POFUT3: variants seen among roughly 807,000 people sequenced by gnomAD.
POFUT3 encodes the protein GDP-fucose protein O-fucosyltransferase 3.
chr8:33,440,388 A>G, the POFUT3 span, among the ~76,000 whole-genome samples: 1 of 152,110 alleles, frequency 6.6e-6, no homozygotes, highest in African/African-American at 2.4e-5. Flanking sequence ...AATTAATTAA[A>G]GTCAAAATGC....
the POFUT3 span, among the ~76,000 whole-genome samples, chr8:33,365,047 G>A: frequency 1.3e-5 from 2 of 152,116 alleles, no homozygotes; most frequent in African/African-American, 2.4e-5. Flanking sequence ...CATGGTACTG[G>A]TACCAAAACA....
the POFUT3 span, chr8:33,389,792 T>C: frequency 1.1e-5 from 17 of 1,607,962 alleles, 1 homozygote; most frequent in Non-Finnish European, 1.4e-5. Flanking sequence ...TATGTTAAAG[T>C]CAGTACCTAG....
the POFUT3 span, among the ~76,000 whole-genome samples, chr8:33,343,591 A>T: frequency 1.3e-5 from 2 of 152,244 alleles, no homozygotes; most frequent in Non-Finnish European, 2.9e-5. Context: ...AGTAAGAGAG[A>T]TCCAGACCCC....
the POFUT3 span, among the ~76,000 whole-genome samples, chr8:33,353,519 C>A: frequency 1.3e-5 from 2 of 152,174 alleles, no homozygotes; most frequent in Admixed American, 6.5e-5. Flanking sequence ...GATTCTTTCT[C>A]GTCTGCACAA....
At chr8:33,332,163 A>AGAGGAG in the POFUT3 span, among the ~76,000 whole-genome samples, 10 of 145,174 alleles carry the variant, frequency 6.9e-5, no homozygotes, top group East Asian at 1.1e-3. Context: ...AAGAAGAAGA[A>AGAGGAG]GAGGAGGAGG....
chr8:33,357,962 C>T, the POFUT3 span, among the ~76,000 whole-genome samples: 1 of 152,130 alleles, frequency 6.6e-6, no homozygotes, highest in Non-Finnish European at 1.5e-5. Flanking sequence ...TTCTACAAGA[C>T]AAGGCTGGGC....
chr8:33,433,997 C>T, the POFUT3 span, among the ~76,000 whole-genome samples: 1 of 148,890 alleles, frequency 6.7e-6, no homozygotes, highest in Non-Finnish European at 1.5e-5. Flanking sequence ...GGTGCAGCGG[C>T]TCATGCCTGT....
chr8:33,386,549 G>T, the POFUT3 span, among the ~76,000 whole-genome samples: 1 of 152,324 alleles, frequency 6.6e-6, no homozygotes, highest in African/African-American at 2.4e-5. Context: ...TGTGGCTCAT[G>T]CCTGTAATCT....
chr8:33,322,204 T>A, the POFUT3 span, among the ~76,000 whole-genome samples: 1 of 152,146 alleles, frequency 6.6e-6, no homozygotes, highest in Non-Finnish European at 1.5e-5. Flanking sequence ...AAGAGCAAGT[T>A]TTCATGTTAA....
At chr8:33,467,104 TC>T in the POFUT3 span, among the ~76,000 whole-genome samples, 1 of 148,622 alleles carries the variant, frequency 6.7e-6, no homozygotes, top group East Asian at 2.0e-4. Flanking sequence ...AGACTCTGTC[TC>T]AAAAAAAACA....
At chr8:33,311,820 A>G in the POFUT3 span, among the ~76,000 whole-genome samples, 1 of 152,168 alleles carries the variant, frequency 6.6e-6, no homozygotes, top group East Asian at 1.9e-4. Flanking sequence ...GGATAGAATC[A>G]TGTCCCTCCC....
the POFUT3 span, among the ~76,000 whole-genome samples, chr8:33,320,555 C>G: frequency 6.6e-6 from 1 of 152,044 alleles, no homozygotes; most frequent in Non-Finnish European, 1.5e-5. Flanking sequence ...TTCTTACCTT[C>G]CATAGATCTG....
chr8:33,354,889 C>A, the POFUT3 span, among the ~76,000 whole-genome samples: 13 of 152,174 alleles, frequency 8.5e-5, no homozygotes, highest in Non-Finnish European at 1.5e-4. Context: ...TTTCTTTGAA[C>A]TTTATGGTCA....
chr8:33,432,265 C>A, the POFUT3 span, among the ~76,000 whole-genome samples: 2 of 151,740 alleles, frequency 1.3e-5, no homozygotes, highest in South Asian at 2.1e-4. Flanking sequence ...CAAAAATTAG[C>A]CAGGCATGAT....
chr8:33,360,849 G>A, the POFUT3 span: 1 of 152,194 alleles, frequency 6.6e-6, no homozygotes, highest in South Asian at 2.1e-4. Flanking sequence ...TGGGGAGGGG[G>A]TGCCCCAGCA....
At chr8:33,334,562 T>C in the POFUT3 span, among the ~76,000 whole-genome samples, 32 of 152,190 alleles carry the variant, frequency 2.1e-4, no homozygotes, top group Admixed American at 1.7e-3. Flanking sequence ...GGACACGGTC[T>C]GAGATTCTGC....
At chr8:33,332,107 C>A in the POFUT3 span, among the ~76,000 whole-genome samples, 8 of 150,354 alleles carry the variant, frequency 5.3e-5, no homozygotes, top group Non-Finnish European at 1.2e-4. Flanking sequence ...CAAGCCAGTG[C>A]ACTCCAGCCT....
chr8:33,363,310 G>GAA, the POFUT3 span, among the ~76,000 whole-genome samples: 1 of 152,110 alleles, frequency 6.6e-6, no homozygotes, highest in Admixed American at 6.6e-5. Flanking sequence ...GCCCACTAGA[G>GAA]AAAGCAGGAA....
At chr8:33,420,776 G>A in the POFUT3 span, among the ~76,000 whole-genome samples, 1 of 151,566 alleles carries the variant, frequency 6.6e-6, no homozygotes, top group African/African-American at 2.4e-5. Context: ...ATATTATACA[G>A]TTTCAAATAG....
Sources: allele counts gnomAD v4.1 joint callset (sites outside exome capture counted in the v4.1 genomes callset), GRCh38; gene constraint gnomAD v4.1.1; transcripts MANE v1.5; gene names NCBI Gene and HGNC (gene_info 2026-07-23, HGNC 2026-07-21).